Variants in ZFPM2 observed in about 807,000 individuals in gnomAD.
The protein encoded by ZFPM2 is zinc finger protein, FOG family member 2.
A neutral mutation model predicts 98.6 loss-of-function variants in ZFPM2; 20 were observed. That is an observed-to-expected ratio of 0.20 (90% CI 0.14 to 0.29). ZFPM2 has a LOEUF of 0.29. Ranked by LOEUF, ZFPM2 falls within the 10% of genes least tolerant of loss-of-function variation. The pLI, the probability that ZFPM2 is intolerant of heterozygous loss-of-function variation, is 1.00. For synonymous variants in ZFPM2, 518 were observed against 502.7 expected (o/e 1.03, Z -0.41); for missense variants, 1,310 against 1,388.6 (o/e 0.94, Z 0.90).
intron 5 of ZFPM2, among the ~76,000 whole-genome samples, chr8:105,648,790 A>G (rs1817107685): frequency 6.6e-6 from 1 of 152,200 alleles, no homozygotes; most frequent in Admixed American, 6.5e-5. Context: ...GCCTTGTAGT[A>G]TAGTTTGAAA....
intron 1 of ZFPM2, among the ~76,000 whole-genome samples, chr8:105,417,754 A>C (rs193099899): frequency 3.4e-4 from 52 of 152,324 alleles, no homozygotes; most frequent in African/African-American, 1.2e-3. Flanking sequence ...GTTGGTGCAA[A>C]AACAAAATCC....
intron 1 of ZFPM2, among the ~76,000 whole-genome samples, chr8:105,330,322 G>A (rs1335195282): frequency 6.6e-6 from 1 of 151,200 alleles, no homozygotes; most frequent in Non-Finnish European, 1.5e-5. Flanking sequence ...GGTGAATTCT[G>A]CAAGGTGCTG....
chr8:105,742,760 C>A (rs1054883923), intron 5 of ZFPM2, among the ~76,000 whole-genome samples: 8 of 151,986 alleles, frequency 5.3e-5, no homozygotes, highest in African/African-American at 9.7e-5. Flanking sequence ...AGTGTGGTGG[C>A]AGGTTGCCTG....
chr8:105,327,948 G>C (rs1314670303), intron 1 of ZFPM2, among the ~76,000 whole-genome samples: 1 of 151,560 alleles, frequency 6.6e-6, no homozygotes, highest in Non-Finnish European at 1.5e-5. Context: ...CATGCTCCTT[G>C]TGTGTGCTGA....
intron 5 of ZFPM2, among the ~76,000 whole-genome samples, chr8:105,675,271 G>A (rs1810417924): frequency 1.3e-5 from 2 of 152,236 alleles, no homozygotes; most frequent in East Asian, 3.9e-4. Context: ...CATTCCATGG[G>A]TAATTTGGAA....
intron 1 of ZFPM2, among the ~76,000 whole-genome samples, chr8:105,355,223 G>A (rs1275516340): frequency 6.6e-6 from 1 of 152,140 alleles, no homozygotes; most frequent in Admixed American, 6.6e-5. Context: ...CGCTAAGGAT[G>A]TTTGAAGTTT....
At chr8:105,381,982 C>A (rs1288485684) in intron 1 of ZFPM2, among the ~76,000 whole-genome samples, 4 of 152,086 alleles carry the variant, frequency 2.6e-5, no homozygotes, top group African/African-American at 9.7e-5. Context: ...ACATATCAAT[C>A]TGAAGGACTA....
intron 2 of ZFPM2, among the ~76,000 whole-genome samples, chr8:105,432,046 G>T (rs1351698560): frequency 6.6e-6 from 1 of 152,102 alleles, no homozygotes; most frequent in African/African-American, 2.4e-5. Flanking sequence ...AGCCTGGTGA[G>T]CATGCAAGGA....
chr8:105,573,541 GTAAA>G (rs1355721487), intron 4 of ZFPM2, among the ~76,000 whole-genome samples: 8 of 152,028 alleles, frequency 5.3e-5, no homozygotes, highest in Non-Finnish European at 1.0e-4. Flanking sequence ...AGATTAATAA[GTAAA>G]AGACATTTGT....
At chr8:105,549,595 C>CATCCTTCGT (rs1175938987) in intron 3 of ZFPM2, among the ~76,000 whole-genome samples, 1 of 135,352 alleles carries the variant, frequency 7.4e-6, no homozygotes, top group Admixed American at 7.6e-5. Context: ...TCTTTCCTTC[C>CATCCTTCGT]TCTATCTCTC....
chr8:105,572,258 C>T (rs1210679772), intron 4 of ZFPM2, among the ~76,000 whole-genome samples: 6 of 151,858 alleles, frequency 4.0e-5, no homozygotes, highest in Admixed American at 6.6e-5. Flanking sequence ...AGGATGGTCT[C>T]GATCTCCTGA....
intron 1 of ZFPM2, among the ~76,000 whole-genome samples, chr8:105,348,971 A>T (rs1436877862): frequency 1.3e-5 from 2 of 152,168 alleles, no homozygotes; most frequent in African/African-American, 4.8e-5. Context: ...TCATTTCCAA[A>T]ATGTTTGTAA....
chr8:105,517,315 A>T (rs1055842158), intron 3 of ZFPM2, among the ~76,000 whole-genome samples: 11 of 152,196 alleles, frequency 7.2e-5, no homozygotes, highest in Non-Finnish European at 1.2e-4. Context: ...CTCAGGATAC[A>T]CGCTGTTACT....
intron 1 of ZFPM2, among the ~76,000 whole-genome samples, chr8:105,395,043 A>G (rs1811193468): frequency 6.6e-6 from 1 of 152,146 alleles, no homozygotes; most frequent in South Asian, 2.1e-4. Flanking sequence ...GTGGAAGGTA[A>G]GACATCTTTA....
intron 4 of ZFPM2, among the ~76,000 whole-genome samples, chr8:105,576,134 C>T (rs1442909357): frequency 6.6e-6 from 1 of 152,044 alleles, no homozygotes; most frequent in African/African-American, 2.4e-5. Flanking sequence ...GCTAAAGCTC[C>T]AGCAAAATAG....
intron 6 of ZFPM2, among the ~76,000 whole-genome samples, chr8:105,792,776 G>A (rs1287071304): frequency 2.0e-5 from 3 of 152,094 alleles, no homozygotes; most frequent in African/African-American, 7.2e-5. Context: ...CTCCTGTATT[G>A]GGTGCATATA....
In ZFPM2 at chr8:105,558,005, A is replaced by C. The variant is rs549043441; in HGVS notation, c.302-3358A>C. ...CCACTCTTTTAACAGTGACAAACCA[A>C]ACACTCAGGAAAGATATAACTTATT... On this transcript the variant is annotated intron_variant, in intron 3 of 7. Transcript: ENST00000407775. Among the ~76,000 whole-genome samples the C allele has an allele frequency of 2.0e-4, 31 of 152,308 alleles. 1 individual carries two copies. In the South Asian group the frequency reaches 6.0e-3, roughly 30 times the overall value.
At chr8:105,672,897 C>CTGTGGAGTTTT (rs1563515334) in intron 5 of ZFPM2, among the ~76,000 whole-genome samples, 1 of 152,110 alleles carries the variant, frequency 6.6e-6, no homozygotes, top group Non-Finnish European at 1.5e-5. Flanking sequence ...TTCAGGAAAA[C>CTGTGGAGTTTT]CTGCTGTGGA....
chr8:105,627,026 C>T (rs1323739981), intron 4 of ZFPM2, among the ~76,000 whole-genome samples: 1 of 152,080 alleles, frequency 6.6e-6, no homozygotes, highest in Non-Finnish European at 1.5e-5. Flanking sequence ...TTTGGAAATC[C>T]TCAATATCTT....
Sources: gnomAD v4.1 joint callset for allele counts (sites outside exome capture counted in the v4.1 genomes callset) on GRCh38, gnomAD v4.1.1 for gene constraint, MANE v1.5 for transcripts, NCBI Gene and HGNC (gene_info 2026-07-23, HGNC 2026-07-21) for gene names.